KCNK12: variants seen among roughly 807,000 people sequenced by gnomAD.
The protein encoded by KCNK12 is potassium channel subfamily K member 12.
A neutral mutation model predicts 25.3 loss-of-function variants in KCNK12; 6 were observed. The observed-to-expected ratio is 0.24, with a 90% CI of 0.13 to 0.47. The LOEUF is 0.47. KCNK12 is among the 20% of genes least tolerant of loss of function. The pLI is 0.99. For missense variants in KCNK12, 444 were observed against 661.7 expected (o/e 0.67, Z 3.61); for synonymous variants, 331 against 311.1 (o/e 1.06, Z -0.67).
At chr2:47,534,887 G>T in intron 1 of KCNK12, 1 of 206,234 alleles carries the variant, frequency 4.8e-6, no homozygotes, top group Non-Finnish European at 9.9e-6. Context: ...GATTTTAAAA[G>T]GAAGTCTCTG....
At position 47,569,981 on chromosome 2, in the gene KCNK12, G is replaced by A. The variant is rs544124658; in HGVS notation, c.351C>T (p.Pro117=). The change falls in exon 1 of 2, where the codon CCC becomes CCT. Residue 117 remains proline, a synonymous_variant. Transcript: ENST00000327876. This position sits in a 1 kb window ranked among gnomAD's most constrained non-coding sequence, Gnocchi z 4.1. ...ADALRPRWDF[P]GAFYFVGTVV... is the part of the protein sequence containing the mutation. ...CGGTGCCCACGAAGTAGAAGGCGCC[G>A]GGGAAGTCCCAGCGCGGGCGCAGCG... 9.8e-6 allele frequency: 14 copies of A among 1,435,162 alleles called. No homozygotes were observed. The African/African-American group carries it at 1.4e-4, about 14-fold the overall frequency. The allele number at this position is 1,435,162 out of a possible 1,614,324, so 88.9% of individuals were successfully genotyped here.
In KCNK12 at chr2:47,529,945, C is replaced by T. The variant is rs1668881869; in HGVS notation, c.392-8137G>A. Among the ~76,000 whole-genome samples the T allele has an allele frequency of 6.6e-6, 1 of 152,212 alleles. No homozygotes were observed. Among genetic ancestry groups the T allele is most frequent in the African/African-American group, 2.4e-5 (1 of 41,440 alleles). On this transcript the variant is annotated intron_variant, in intron 1 of 1. Coordinates refer to ENST00000327876, the MANE Select transcript of KCNK12 (RefSeq NM_022055.2). This position sits in a 1 kb window ranked among gnomAD's most constrained non-coding sequence, Gnocchi z 4.3. Reference sequence around the variant, plus strand: ...TATCTGAAATTCAAATTTCACTGGGCATGCTGTCTTTTTATTTCCTAAACC... The same window carrying T: ...TATCTGAAATTCAAATTTCACTGGGTATGCTGTCTTTTTATTTCCTAAACC...
In KCNK12 at chr2:47,569,980, C is replaced by CG; in HGVS notation, c.351dup (p.Gly118ArgfsTer345). On this transcript the variant is annotated frameshift_variant, in exon 1 of 2. Transcript: ENST00000327876. LOFTEE classifies it high-confidence loss of function. This position sits in a 1 kb window ranked among gnomAD's most constrained non-coding sequence, Gnocchi z 4.1. The stretch of plus-strand genomic sequence containing the variant: ...ACGGTGCCCACGAAGTAGAAGGCGC[C>CG]GGGGAAGTCCCAGCGCGGGCGCAGC... The CG allele has an allele frequency of 7.0e-7, 1 of 1,433,752 alleles. No homozygotes were observed. The highest frequency in any genetic ancestry group is 9.1e-7 in the Non-Finnish European group (1 of 1,094,642). The allele number at this position is 1,433,752 out of a possible 1,614,324, so 88.8% of individuals were successfully genotyped here.
chr2:47,525,295 G>A lies in KCNK12; in HGVS notation c.392-3487C>T, dbSNP rs893826655. 1.3e-5 allele frequency among the ~76,000 whole-genome samples: 2 copies of A among 152,184 alleles called. No individual in the cohort carries two copies. Among genetic ancestry groups the A allele is most frequent in the African/African-American group, 4.8e-5 (2 of 41,444 alleles). ...TGTTGTGGCAGTGGAGAGTGCTGTG[G>A]ATTCTTTCACTCACCCCCAGGCCAG... is the stretch of plus-strand genomic sequence containing the variant. On this transcript the variant is annotated intron_variant, in intron 1 of 1. Transcript: ENST00000327876. This position sits in a 1 kb window ranked among gnomAD's most constrained non-coding sequence, Gnocchi z 4.1.
chr2:47,527,162 T>G (rs1668797879), intron 1 of KCNK12, among the ~76,000 whole-genome samples: 1 of 152,164 alleles, frequency 6.6e-6, no homozygotes, highest in African/African-American at 2.4e-5. Flanking sequence ...GAAGCTCCAT[T>G]TTTCTTAAGA....
At chr2:47,534,197 C>T (rs867179493) in intron 1 of KCNK12, among the ~76,000 whole-genome samples, 4 of 152,004 alleles carry the variant, frequency 2.6e-5, no homozygotes, top group Middle Eastern at 3.2e-3. Context: ...TACCTCGGCA[C>T]AGCCTTCCTT....
At chr2:47,530,936 G>A (rs1267428102) in intron 1 of KCNK12, among the ~76,000 whole-genome samples, 1 of 152,210 alleles carries the variant, frequency 6.6e-6, no homozygotes, top group Non-Finnish European at 1.5e-5. Context: ...ACTAGAGGAA[G>A]GAGCTTGCAA....
intron 1 of KCNK12, among the ~76,000 whole-genome samples, chr2:47,550,527 C>T (rs1008537106): frequency 5.3e-5 from 8 of 151,692 alleles, no homozygotes; most frequent in African/African-American, 9.7e-5. Context: ...GGATTACAAG[C>T]GTGTCCCACC....
At chr2:47,554,427 T>C (rs894487472) in intron 1 of KCNK12, among the ~76,000 whole-genome samples, 3 of 152,174 alleles carry the variant, frequency 2.0e-5, no homozygotes, top group Non-Finnish European at 4.4e-5. Context: ...ATTTTAGCTT[T>C]AGATATGAGG....
rs556445341 is a variant in KCNK12 at position 47,569,271 on chromosome 2, G to A, written c.391+670C>T. Among the ~76,000 whole-genome samples, 1 of 152,176 alleles carries A rather than the reference G, an allele frequency of 6.6e-6. No homozygotes were observed. Among genetic ancestry groups the A allele is most frequent in the Admixed American group, 6.5e-5 (1 of 15,274 alleles). ...AAAGTGGCAAGGGAACAAAAAAAGG[G>A]TCAAGAAATTGGAGAAGGGGCTGGG... On this transcript the variant is annotated intron_variant, in intron 1 of 1. Transcript: ENST00000327876. The surrounding 1 kb of genome is among the most constrained non-coding windows in gnomAD (Gnocchi z 4.1).
Position 47,512,350 on chromosome 2 carries a change from A to G in KCNK12, c.*8557T>C. The G allele has an allele frequency of 6.2e-7, 1 of 1,612,610 alleles. No homozygotes were observed. Among genetic ancestry groups the G allele is most frequent in the Non-Finnish European group, 8.5e-7 (1 of 1,179,816 alleles). On this transcript the variant is annotated 3_prime_UTR_variant, in exon 2 of 2. Transcript: ENST00000327876. ...AAGACCAGTGCCTCATTTTGCTGAC[A>G]TGGAAAAGGAAACTTCGTGGGGGAA...
rs1669649170 is a variant in KCNK12 at position 47,560,660 on chromosome 2, T to C, written c.391+9281A>G. Among the ~76,000 whole-genome samples, 1 of 152,316 alleles carries C rather than the reference T, an allele frequency of 6.6e-6. No homozygotes were observed. The highest frequency in any genetic ancestry group is 1.9e-4 in the East Asian group (1 of 5,186). On this transcript the variant is annotated intron_variant, in intron 1 of 1. Transcript: ENST00000327876. The surrounding 1 kb of genome is among the most constrained non-coding windows in gnomAD (Gnocchi z 4.7). ...TGAGCCTGTCATCTGTGAAATGGGATATAATTTTCTTTGCTGTCCTAGGAT... is the reference window on the plus strand; with the variant it reads ...TGAGCCTGTCATCTGTGAAATGGGACATAATTTTCTTTGCTGTCCTAGGAT...
At position 47,521,209 on chromosome 2, in the gene KCNK12, G is replaced by T; in HGVS notation, c.991C>A (p.Arg331=). 6.4e-7 allele frequency: 1 copy of T among 1,554,284 alleles called. No individual in the cohort carries two copies. The highest frequency in any genetic ancestry group is 2.4e-5 in the East Asian group (1 of 41,680). ...CCPAPGAPLA[R]RNAITPGSRL... The stretch of plus-strand genomic sequence containing the variant: ...GAGCCTGGGGTGATGGCATTGCGCC[G>T]GGCCAGGGGCGCGCCAGGAGCCGGG... The change falls in exon 2 of 2, where the codon CGG becomes AGG. Residue 331 remains arginine, a synonymous_variant. Coordinates refer to ENST00000327876, the MANE Select transcript of KCNK12 (RefSeq NM_022055.2).
In KCNK12 at chr2:47,554,961, C is replaced by G. The variant is rs532007502; in HGVS notation, c.391+14980G>C. The stretch of plus-strand genomic sequence containing the variant: ...AGGAAAAAAAGAGGAATCAGGACAA[C>G]TCTTTATATGGATGACATTTATTGA... On this transcript the variant is annotated intron_variant, in intron 1 of 1. Coordinates refer to ENST00000327876, the MANE Select transcript of KCNK12 (RefSeq NM_022055.2). Among the ~76,000 whole-genome samples the G allele has an allele frequency of 2.0e-5, 3 of 152,264 alleles. No individual in the cohort carries two copies. In the South Asian group the frequency reaches 6.2e-4, roughly 32 times the overall value.
chr2:47,534,518 C>CA (rs1669012788), intron 1 of KCNK12, among the ~76,000 whole-genome samples: 1 of 116,600 alleles, frequency 8.6e-6, no homozygotes, highest in African/African-American at 3.2e-5. Context: ...CCTTCTAACC[C>CA]CCCCCCCCGC....
rs1450501112 is a variant in KCNK12 at position 47,548,483 on chromosome 2, C to T, written c.391+21458G>A. The stretch of plus-strand genomic sequence containing the variant: ...TCAGTAAATGGCAAATCCATCCTTG[C>T]AGTTGCTAAGGGCAAAAGTCTTAGA... On this transcript the variant is annotated intron_variant, in intron 1 of 1. Transcript: ENST00000327876. The surrounding 1 kb of genome is among the most constrained non-coding windows in gnomAD (Gnocchi z 4.4). Among the ~76,000 whole-genome samples, 1 of 152,196 alleles carries T rather than the reference C, an allele frequency of 6.6e-6. No individual in the cohort carries two copies. Among genetic ancestry groups the T allele is most frequent in the East Asian group, 1.9e-4 (1 of 5,196 alleles).
Position 47,512,274 on chromosome 2 carries a change from A to T in KCNK12, c.*8633T>A, listed in dbSNP as rs1385682465. 1 of 1,610,848 alleles carries T rather than the reference A, an allele frequency of 6.2e-7. No individual in the cohort carries two copies. The highest frequency in any genetic ancestry group is 1.7e-5 in the Admixed American group (1 of 59,708). On this transcript the variant is annotated 3_prime_UTR_variant, in exon 2 of 2. Coordinates refer to ENST00000327876, the MANE Select transcript of KCNK12 (RefSeq NM_022055.2). The stretch of plus-strand genomic sequence containing the variant: ...ATGGAAATCCCCGTGGAACTCCTAC[A>T]TTTTCTCCTCTCTTCTCCTTCCTTT...
chr2:47,570,387 C>T lies in KCNK12; in HGVS notation c.-56G>A. On this transcript the variant is annotated 5_prime_UTR_variant, in exon 1 of 2. Coordinates refer to ENST00000327876, the MANE Select transcript of KCNK12 (RefSeq NM_022055.2). ...GCGCTCGGGGCCCGGGCCACGACAT[C>T]CCCCCGGCGGGAGCAGGAGCGTGAG... is the stretch of plus-strand genomic sequence containing the variant. 8.3e-7 allele frequency: 1 copy of T among 1,210,482 alleles called. No individual in the cohort carries two copies. The highest frequency in any genetic ancestry group is 1.0e-6 in the Non-Finnish European group (1 of 975,174). The allele number at this position is 1,210,482 out of a possible 1,614,324, so 75.0% of individuals were successfully genotyped here.
In KCNK12 at chr2:47,547,665, T is replaced by A. The variant is rs1451724163; in HGVS notation, c.391+22276A>T. Among the ~76,000 whole-genome samples, 1 of 152,158 alleles carries A rather than the reference T, an allele frequency of 6.6e-6. No homozygotes were observed. The highest frequency in any genetic ancestry group is 2.4e-5 in the African/African-American group (1 of 41,434). On this transcript the variant is annotated intron_variant, in intron 1 of 1. Transcript: ENST00000327876. The surrounding 1 kb of genome is among the most constrained non-coding windows in gnomAD (Gnocchi z 5.0). Reference sequence around the variant, plus strand: ...CAGGCTGGAGTGCAGTACCATGATCTTGACTCACAGCAACCTCTGCCTCCC... The same window carrying A: ...CAGGCTGGAGTGCAGTACCATGATCATGACTCACAGCAACCTCTGCCTCCC...
Sources: gnomAD v4.1 joint callset for allele counts (sites outside exome capture counted in the v4.1 genomes callset) on GRCh38, gnomAD v4.1.1 for gene constraint, Gnocchi (gnomAD v3.1) non-coding constraint, MANE v1.5 for transcripts, NCBI Gene and HGNC (gene_info 2026-07-23, HGNC 2026-07-21) for gene names.